DENND4C: variants seen among roughly 807,000 people sequenced by gnomAD.
DENND4C encodes the protein DENN domain-containing protein 4C.
In DENND4C, 108 loss-of-function variants were observed where a neutral mutation model predicts 203.0. That is an observed-to-expected ratio of 0.53 (90% CI 0.46 to 0.62). The LOEUF (loss-of-function observed/expected upper bound fraction) is 0.62. Ranked by LOEUF, DENND4C falls within the 20% of genes least tolerant of loss-of-function variation. The pLI, the probability that DENND4C is intolerant of heterozygous loss-of-function variation, is 0.00. For synonymous variants in DENND4C, 871 were observed against 792.4 expected (o/e 1.10, Z -1.67); for missense variants, 2,481 against 2,301.2 (o/e 1.08, Z -1.60).
At chr9:19,270,364 G>A (rs774312119) in intron 1 of DENND4C, among the ~76,000 whole-genome samples, 9 of 152,138 alleles carry the variant, frequency 5.9e-5, no homozygotes, top group Non-Finnish European at 1.3e-4. Context: ...TTCCCTTTTG[G>A]CCTAGGATGG....
chr9:19,288,902 T>TA (rs1480417667), intron 4 of DENND4C, among the ~76,000 whole-genome samples: 1 of 152,162 alleles, frequency 6.6e-6, no homozygotes, highest in Non-Finnish European at 1.5e-5. Context: ...AAAGCAAACA[T>TA]ATGTGGAATA....
At chr9:19,350,562 G>T (rs978900843) in intron 23 of DENND4C, 140 bp from the exon 24 acceptor site, 2 of 649,994 alleles carry the variant, frequency 3.1e-6, no homozygotes, top group African/African-American at 1.8e-5. Flanking sequence ...ATAGTGAGGA[G>T]ATTTCATGGT....
chr9:19,242,479 T>C (rs1486104927), intron 1 of DENND4C, among the ~76,000 whole-genome samples: 3 of 152,254 alleles, frequency 2.0e-5, no homozygotes, highest in Non-Finnish European at 4.4e-5. Flanking sequence ...GGCCTGTATT[T>C]AGCTTTGTAA....
intron 1 of DENND4C, among the ~76,000 whole-genome samples, chr9:19,245,172 A>T (rs1824841226): frequency 6.6e-6 from 1 of 152,174 alleles, no homozygotes; most frequent in Admixed American, 6.6e-5. Context: ...TGATTTTTTT[A>T]AAAAAGTGTT....
intron 25 of DENND4C, 83 bp from the exon 26 acceptor site, chr9:19,352,403 TAAAA>T: frequency 7.5e-7 from 1 of 1,336,038 alleles, no homozygotes; most frequent in Non-Finnish European, 1.0e-6. Flanking sequence ...ATCAGTAGAA[TAAAA>T]AAAATCCCAT....
At chr9:19,309,981 T>A (rs550219191) in intron 10 of DENND4C, among the ~76,000 whole-genome samples, 1 of 152,278 alleles carries the variant, frequency 6.6e-6, no homozygotes, top group African/African-American at 2.4e-5. Flanking sequence ...GAACTTTGTG[T>A]TTTCTCCAGA....
chr9:19,369,673 G>A (rs1429043005), intron 30 of DENND4C, among the ~76,000 whole-genome samples, 164 bp from the exon 31 acceptor site: 3 of 151,472 alleles, frequency 2.0e-5, no homozygotes, highest in African/African-American at 7.3e-5. Context: ...AGATTGAGGT[G>A]GGAGGATCAC....
intron 15 of DENND4C, 105 bp from the exon 16 acceptor site, chr9:19,327,925 A>G: frequency 1.9e-6 from 2 of 1,067,264 alleles, no homozygotes; most frequent in African/African-American, 1.6e-5. Flanking sequence ...ATTTAAAATA[A>G]TGTTGGATAC....
chr9:19,234,941 G>C (rs943412140), intron 1 of DENND4C, among the ~76,000 whole-genome samples: 2 of 151,154 alleles, frequency 1.3e-5, no homozygotes, highest in African/African-American at 2.4e-5. Context: ...TTTTGGGAAA[G>C]TCAACTTTCT....
At chr9:19,250,907 T>A (rs762970386) in intron 1 of DENND4C, among the ~76,000 whole-genome samples, 1 of 152,220 alleles carries the variant, frequency 6.6e-6, no homozygotes, top group Non-Finnish European at 1.5e-5. Context: ...TGTGCTTTCA[T>A]GGGCTGGTGA....
At chr9:19,257,824 A>G (rs1437930802) in intron 1 of DENND4C, among the ~76,000 whole-genome samples, 1 of 152,162 alleles carries the variant, frequency 6.6e-6, no homozygotes, top group African/African-American at 2.4e-5. Flanking sequence ...ACAAACTACA[A>G]AAGTTTATTC....
In DENND4C at chr9:19,342,671, C is replaced by T. The variant is rs768266395; in HGVS notation, c.3043C>T (p.Gln1015Ter). The T allele has an allele frequency of 6.2e-7, 1 of 1,610,234 alleles. No individual in the cohort carries two copies. Among genetic ancestry groups the T allele is most frequent in the Non-Finnish European group, 8.5e-7 (1 of 1,178,550 alleles). ...DASAIVAKHS[Q>*]PSPEPHSPTE... ...CTCTGCTATTGTGGCAAAACATTCA[C>T]AACCTAGTCCAGAGCCTCACAGTCC... The change falls in exon 22 of 33, where the codon CAA becomes TAA. Residue 1015 changes from glutamine to a stop codon, truncating the protein, a stop_gained. Coordinates refer to ENST00000434457, the MANE Select transcript of DENND4C (RefSeq NM_001330640.2). LOFTEE classifies it high-confidence loss of function.
chr9:19,233,972 T>C (rs1377892203), intron 1 of DENND4C, among the ~76,000 whole-genome samples: 2 of 152,218 alleles, frequency 1.3e-5, no homozygotes, highest in Non-Finnish European at 2.9e-5. Flanking sequence ...CTAACACTTA[T>C]ATTTTTCTGT....
rs548106647 is a variant in DENND4C, at chr9:19,249,257, G to GT, written c.-18+18436dup. Among the ~76,000 whole-genome samples the GT allele has an allele frequency of 5.4e-3, 766 of 142,364 alleles. 6 individuals carry two copies. The highest frequency in any genetic ancestry group is 7.1e-3 in the South Asian group (31 of 4,396). The allele number at this position is 142,364 out of a possible 152,430, so 93.4% of individuals were successfully genotyped here. On this transcript the variant is annotated intron_variant, in intron 1 of 32. Transcript: ENST00000434457. ...TATTAATATACCAGTAGTAATTTTTGTTTTTTTTTTTTGAGATGAAGTCTC... is the reference window on the plus strand; with the variant it reads ...TATTAATATACCAGTAGTAATTTTTGTTTTTTTTTTTTTGAGATGAAGTCTC...
At chr9:19,266,645 C>G (rs953917527) in intron 1 of DENND4C, among the ~76,000 whole-genome samples, 1 of 152,130 alleles carries the variant, frequency 6.6e-6, no homozygotes, top group Non-Finnish European at 1.5e-5. Context: ...ACCAATGGAA[C>G]AGAACAGAGC....
chr9:19,324,587 A>G (rs1843415870), intron 13 of DENND4C, 80 bp downstream of exon 13: 3 of 1,428,000 alleles, frequency 2.1e-6, no homozygotes, highest in African/African-American at 1.4e-5. Flanking sequence ...TTGTTAGTCT[A>G]GAGTGATATA....
intron 2 of DENND4C, chr9:19,276,708 G>C (rs1411620650): frequency 3.1e-5 from 10 of 325,774 alleles, no homozygotes; most frequent in Non-Finnish European, 3.8e-5. Flanking sequence ...GCTTTCAAAA[G>C]AATATTGAAA....
At chr9:19,230,669 C>G (rs1041445672), upstream of DENND4C, 1 of 152,162 alleles carries the variant, frequency 6.6e-6, no homozygotes, top group African/African-American at 2.4e-5. Context: ...CTCGGAGACC[C>G]TGCCCGCGAG....
intron 2 of DENND4C, among the ~76,000 whole-genome samples, chr9:19,279,552 C>CTG (rs1484676805): frequency 6.6e-6 from 1 of 151,972 alleles, no homozygotes; most frequent in African/African-American, 2.4e-5. Context: ...TGGCGAGCAC[C>CTG]TGTAGTTCCT....
Sources: gnomAD v4.1 joint callset for allele counts (sites outside exome capture counted in the v4.1 genomes callset) on GRCh38, gnomAD v4.1.1 for gene constraint, MANE v1.5 for transcripts, NCBI Gene and HGNC (gene_info 2026-07-23, HGNC 2026-07-21) for gene names.